Variants in SNX29 observed in about 807,000 individuals in gnomAD.
SNX29 encodes sorting nexin-29.
Under a neutral mutation model 102.1 loss-of-function variants are expected in SNX29, and 78 were observed. That is an observed-to-expected ratio of 0.76 (90% CI 0.64 to 0.92). The LOEUF (loss-of-function observed/expected upper bound fraction) is 0.92, where lower values mean the gene tolerates loss of function less well. Ranked by LOEUF, SNX29 falls within the 40% of genes least tolerant of loss-of-function variation. SNX29 has a pLI of 0.00. For synonymous variants in SNX29, 580 were observed against 414.5 expected (o/e 1.40, Z -4.85); for missense variants, 1,280 against 1,061.7 (o/e 1.21, Z -2.86).
intron 16 of SNX29, among the ~76,000 whole-genome samples, chr16:12,376,685 C>T (rs970227854): frequency 6.7e-5 from 9 of 134,986 alleles, no homozygotes; most frequent in South Asian, 2.3e-4. Flanking sequence ...TGCAGTGAGC[C>T]GAGATCGCAC....
intron 20 of SNX29, among the ~76,000 whole-genome samples, chr16:12,552,145 C>A (rs1430490971): frequency 6.6e-6 from 1 of 152,204 alleles, no homozygotes; most frequent in Admixed American, 6.5e-5. Flanking sequence ...AGGCCACATT[C>A]CAGTACAGCT....
chr16:12,313,844 A>G (rs2080644735), intron 15 of SNX29, among the ~76,000 whole-genome samples: 1 of 152,262 alleles, frequency 6.6e-6, no homozygotes, highest in African/African-American at 2.4e-5. Flanking sequence ...ATGGCTTCCT[A>G]TAACATAGAG....
chr16:12,427,758 C>G (rs1181804794), intron 18 of SNX29, among the ~76,000 whole-genome samples: 1 of 152,198 alleles, frequency 6.6e-6, no homozygotes, highest in African/African-American at 2.4e-5. Flanking sequence ...CATCAGGATT[C>G]TCTATGTTGG....
chr16:11,985,833 CT>C lies in SNX29; in HGVS notation c.7+9037del, dbSNP rs571058575. Among the ~76,000 whole-genome samples, 688 of 135,462 alleles carry C rather than the reference CT, an allele frequency of 5.1e-3. 3 individuals carry two copies. The highest frequency in any genetic ancestry group is 9.5e-3 in the African/African-American group (351 of 37,046). 88.9% of individuals were successfully genotyped at this position (135,462 alleles called of 152,430 possible). On this transcript the variant is annotated intron_variant, in intron 1 of 20. Coordinates refer to ENST00000566228, the MANE Select transcript of SNX29 (RefSeq NM_032167.5). Reference sequence around the variant, plus strand: ...CTGAAAGGGGTTGGAATTGCCTTATCTTTTTTTTTTTTTTTTTGAGATAGAG... The same window carrying C: ...CTGAAAGGGGTTGGAATTGCCTTATCTTTTTTTTTTTTTTTTGAGATAGAG...
intron 3 of SNX29, among the ~76,000 whole-genome samples, chr16:12,017,556 A>G (rs1309705956): frequency 6.6e-6 from 1 of 152,184 alleles, no homozygotes; most frequent in Non-Finnish European, 1.5e-5. Flanking sequence ...ATTTTATGTA[A>G]TTAATTCTGT....
chr16:12,292,376 A>G (rs1360647687), intron 15 of SNX29, among the ~76,000 whole-genome samples: 1 of 152,172 alleles, frequency 6.6e-6, no homozygotes, highest in Non-Finnish European at 1.5e-5. Flanking sequence ...TAGGATTGGA[A>G]AGTTCTCCCT....
chr16:12,380,998 C>A (rs1176932866), intron 16 of SNX29, among the ~76,000 whole-genome samples: 4 of 104,312 alleles, frequency 3.8e-5, no homozygotes, highest in Non-Finnish European at 5.8e-5. Flanking sequence ...TCCACCCACC[C>A]ACCATCCATC....
chr16:12,310,538 G>T (rs1218206380), intron 15 of SNX29, among the ~76,000 whole-genome samples: 1 of 151,884 alleles, frequency 6.6e-6, no homozygotes, highest in Admixed American at 6.6e-5. Context: ...AAGACCATAA[G>T]GAGCATATGC....
At chr16:12,018,481 G>A (rs1458083522) in intron 3 of SNX29, among the ~76,000 whole-genome samples, 1 of 151,390 alleles carries the variant, frequency 6.6e-6, no homozygotes, top group East Asian at 1.9e-4. Context: ...CACTCGGGAG[G>A]CTGAAGCAGG....
chr16:12,393,381 G>GATTCATTCATTCATGCATGCATGC (rs2083600011), intron 16 of SNX29, among the ~76,000 whole-genome samples: 2 of 138,114 alleles, frequency 1.4e-5, no homozygotes, highest in Non-Finnish European at 3.1e-5. Context: ...CATATCTTAT[G>GATTCATTCATTCATGCATGCATGC]ATTCATTCAT....
chr16:12,094,783 C>G (rs2052701272), intron 11 of SNX29, among the ~76,000 whole-genome samples: 2 of 152,112 alleles, frequency 1.3e-5, no homozygotes, highest in Non-Finnish European at 2.9e-5. Context: ...TATCTAGTCC[C>G]AAACGACAGT....
intron 19 of SNX29, among the ~76,000 whole-genome samples, chr16:12,521,580 A>C (rs187994118): frequency 6.7e-4 from 102 of 152,212 alleles, no homozygotes; most frequent in African/African-American, 2.3e-3. Flanking sequence ...AAAAAAGAAA[A>C]ATCTTCACAA....
At chr16:12,021,373 C>T (rs1312325088) in intron 3 of SNX29, among the ~76,000 whole-genome samples, 5 of 151,816 alleles carry the variant, frequency 3.3e-5, no homozygotes, top group East Asian at 1.9e-4. Flanking sequence ...TTGCAGTGAG[C>T]GGAGATCGCG....
chr16:12,570,046 C>G lies in SNX29; in HGVS notation c.*1417C>G, dbSNP rs3803598. ...GTGAGCATGGAGCATCTCCTAGGCT[C>G]GAGGACATCTCTGGAGAATCATCTG... On this transcript the variant is annotated 3_prime_UTR_variant, in exon 21 of 21. Transcript: ENST00000566228. 4 of 499,362 alleles carry G rather than the reference C, an allele frequency of 8.0e-6. No homozygotes were observed. The highest frequency in any genetic ancestry group is 1.1e-4 in the East Asian group (2 of 17,484). The allele number at this position is 499,362 out of a possible 1,614,324, so 30.9% of individuals were successfully genotyped here.
chr16:12,524,870 G>T (rs56845136), intron 20 of SNX29, 29 bp downstream of exon 20: 34 of 1,596,444 alleles, frequency 2.1e-5, no homozygotes, highest in Non-Finnish European at 2.8e-5. Flanking sequence ...GACATGGGCC[G>T]CCAGCCCTGC....
rs114364566 is a variant in SNX29, at chr16:12,289,788, C to T, written c.1782+11752C>T. 9.1e-4 allele frequency among the ~76,000 whole-genome samples: 138 copies of T among 152,068 alleles called. 1 individual carries two copies. Among genetic ancestry groups the T allele is most frequent in the African/African-American group, 3.2e-3 (134 of 41,478 alleles). Reference sequence around the variant, plus strand: ...TTTATATTTGCCTTCCTCTTTGAGGCGGGAAGTGGCTTCAAGAAGCCACTT... The same window carrying T: ...TTTATATTTGCCTTCCTCTTTGAGGTGGGAAGTGGCTTCAAGAAGCCACTT... On this transcript the variant is annotated intron_variant, in intron 15 of 20. Transcript: ENST00000566228.
intron 13 of SNX29, among the ~76,000 whole-genome samples, chr16:12,177,094 C>T (rs1428094392): frequency 1.3e-5 from 2 of 152,082 alleles, no homozygotes; most frequent in Non-Finnish European, 2.9e-5. Context: ...ACTAGAGGTA[C>T]ACACCACTAC....
chr16:12,365,966 C>T (rs531808047), intron 16 of SNX29, among the ~76,000 whole-genome samples: 6 of 131,428 alleles, frequency 4.6e-5, no homozygotes, highest in African/African-American at 1.1e-4. Context: ...GGCATGAACC[C>T]GGGAGGTGGA....
intron 19 of SNX29, among the ~76,000 whole-genome samples, chr16:12,509,999 G>A (rs1453863615): frequency 6.6e-6 from 1 of 152,232 alleles, no homozygotes; most frequent in African/African-American, 2.4e-5. Context: ...TCATGGCATT[G>A]TGCCGTAGTC....
Sources: allele counts gnomAD v4.1 joint callset (sites outside exome capture counted in the v4.1 genomes callset), GRCh38; gene constraint gnomAD v4.1.1; transcripts MANE v1.5; gene names NCBI Gene and HGNC (gene_info 2026-07-23, HGNC 2026-07-21).